The following EVI5L variants were observed in gnomAD, a reference collection of about 807,000 sequenced individuals.
EVI5L encodes ecotropic viral integration site 5 like.
A neutral mutation model predicts 106.1 loss-of-function variants in EVI5L; 30 were observed. The observed-to-expected ratio is 0.28, with a 90% confidence interval of 0.21 to 0.38. EVI5L has a LOEUF of 0.38. Ranked by LOEUF, EVI5L falls within the 10% of genes least tolerant of loss-of-function variation. The pLI is 1.00. For synonymous variants in EVI5L, 489 were observed against 483.3 expected, an observed-to-expected ratio of 1.01 and a Z score of -0.15; for missense variants, 809 against 1,098.0, an observed-to-expected ratio of 0.74 and a Z score of 3.72.
chr19:7,831,245 A>ACG (rs754352974), intron 1 of EVI5L, among the ~76,000 whole-genome samples: 9,454 of 144,728 alleles, frequency 0.065, 413 homozygotes, highest in Non-Finnish European at 0.095. Context: ...ACACACACAC[A>ACG]CACACACACA....
rs1306315321 is a variant in EVI5L at position 7,862,592 on chromosome 19, A to G, written c.1947+58A>G. ...GCACCGCCCCCGGACGCGCCCCTAC[A>G]TGAGGCCCCGCCCCCAATCCGCCTC... On this transcript the variant is annotated intron_variant, in intron 17 of 19. Coordinates refer to ENST00000538904, the MANE Select transcript of EVI5L (RefSeq NM_001159944.3). 4.1e-6 allele frequency: 5 copies of G among 1,233,444 alleles called. 1 individual carries two copies. In the African/African-American group the frequency reaches 1.1e-4, roughly 26 times the overall value. 76.4% of individuals were successfully genotyped at this position (1,233,444 alleles called of 1,614,324 possible). A position where few individuals can be genotyped will look rare whatever the true frequency, so the allele number is the denominator to read the frequency against.
chr19:7,834,070 G>A (rs1193605624), intron 1 of EVI5L, among the ~76,000 whole-genome samples: 1 of 152,202 alleles, frequency 6.6e-6, no homozygotes. Context: ...TCTGAGGCCC[G>A]GCACGGTGGC....
chr19:7,844,076 G>GTGT (rs1334873956), intron 1 of EVI5L, among the ~76,000 whole-genome samples: 2 of 152,028 alleles, frequency 1.3e-5, no homozygotes, highest in Non-Finnish European at 2.9e-5. Context: ...GGCTCGGCTG[G>GTGT]GCGCGGTGGC....
At position 7,857,385 on chromosome 19, in the gene EVI5L, T is replaced by A. The variant is rs75640940; in HGVS notation, c.1233+261T>A. ...CCACATGCATGTACAGAAAGCTTCCTCCGGGCGACACAGGGTGGGGACCCA... is the reference window on the plus strand; with the variant it reads ...CCACATGCATGTACAGAAAGCTTCCACCGGGCGACACAGGGTGGGGACCCA... On this transcript the variant is annotated intron_variant, in intron 12 of 19. Transcript: ENST00000538904. This position sits in a 1 kb window ranked among gnomAD's most constrained non-coding sequence, Gnocchi z 4.5. The A allele has an allele frequency of 0.1, 62,360 of 596,678 alleles. 5,082 individuals are homozygous for A. Among genetic ancestry groups the A allele is most frequent in the South Asian group, 0.28 (14,281 of 50,566 alleles). The allele number at this position is 596,678 out of a possible 1,614,324, so 37.0% of individuals were successfully genotyped here. A position where few individuals can be genotyped will look rare whatever the true frequency, so the allele number is the denominator to read the frequency against.
chr19:7,862,458 A>C lies in EVI5L; in HGVS notation c.1871A>C (p.Tyr624Ser). 6.2e-7 allele frequency: 1 copy of C among 1,608,460 alleles called. No homozygotes were observed. The highest frequency in any genetic ancestry group is 8.5e-7 in the Non-Finnish European group (1 of 1,178,092). Residue 624 changes from tyrosine (Y) to serine (S), a missense_variant, in exon 17 of 20, where the codon TAC becomes TCC. By Grantham distance (144) the Tyr-to-Ser change is moderately radical. Coordinates refer to ENST00000538904, the MANE Select transcript of EVI5L (RefSeq NM_001159944.3). ...ERAALQEKLQ[Y>S]LAAQNKGLQT... ...GCGGCGCTGCAGGAGAAGCTGCAGT[A>C]CCTGGCTGCACAGAACAAGGGGCTG...
rs200910113 is a variant in EVI5L at position 7,864,185 on chromosome 19, G to A, written c.*483G>A. 152 of 155,896 alleles carry A rather than the reference G, an allele frequency of 9.8e-4. No homozygotes were observed. The highest frequency in any genetic ancestry group is 3.6e-3 in the African/African-American group (149 of 41,716). 9.7% of individuals were successfully genotyped at this position (155,896 alleles called of 1,614,324 possible). Reference sequence around the variant, plus strand: ...ATCAGCACCCCACAACACTCCTCGGGATGAAGTGACCCTTGACTAGCCCCT... The same window carrying A: ...ATCAGCACCCCACAACACTCCTCGGAATGAAGTGACCCTTGACTAGCCCCT... On this transcript the variant is annotated 3_prime_UTR_variant, in exon 20 of 20. Transcript: ENST00000538904. This position sits in a 1 kb window ranked among gnomAD's most constrained non-coding sequence, Gnocchi z 4.5.
chr19:7,856,849 C>T lies in EVI5L; in HGVS notation c.1201-243C>T, dbSNP rs1270238994. 4 of 683,056 alleles carry T rather than the reference C, an allele frequency of 5.9e-6. No individual in the cohort carries two copies. The highest frequency in any genetic ancestry group is 1.8e-5 in the African/African-American group (1 of 56,848). 42.3% of individuals were successfully genotyped at this position (683,056 alleles called of 1,614,324 possible). ...CCAGCCCTGCGGCCTCCCCCACAGC[C>T]GCGGGCACCCCCGACCTCCCCGCTC... is the stretch of plus-strand genomic sequence containing the variant. On this transcript the variant is annotated intron_variant, in intron 11 of 19. Transcript: ENST00000538904. The surrounding 1 kb of genome is among the most constrained non-coding windows in gnomAD (Gnocchi z 6.6).
chr19:7,834,347 A>C (rs886445923), intron 1 of EVI5L, among the ~76,000 whole-genome samples: 2 of 152,198 alleles, frequency 1.3e-5, no homozygotes, highest in African/African-American at 4.8e-5. Context: ...CAAATTTTAA[A>C]AATTTTTAAA....
rs1173853262 is a variant in EVI5L at position 7,845,359 on chromosome 19, C to T, written c.-47-1137C>T. Among the ~76,000 whole-genome samples, 1 of 152,058 alleles carries T rather than the reference C, an allele frequency of 6.6e-6. No homozygotes were observed. The highest frequency in any genetic ancestry group is 1.5e-5 in the Non-Finnish European group (1 of 67,964). ...CGCTGCCTCCACTCCCATAGCCGTC[C>T]CTTTCCTCTAGGGCCCCCTGCTAGG... On this transcript the variant is annotated intron_variant, in intron 1 of 19. Transcript: ENST00000538904. This position sits in a 1 kb window ranked among gnomAD's most constrained non-coding sequence, Gnocchi z 4.0.
At chr19:7,844,918 C>G (rs562923633) in intron 1 of EVI5L, among the ~76,000 whole-genome samples, 39 of 152,292 alleles carry the variant, frequency 2.6e-4, no homozygotes, top group African/African-American at 9.4e-4. Context: ...CTGGGGTGGC[C>G]AGGGTCAAGT....
chr19:7,855,978 G>A, intron 10 of EVI5L, 37 bp from the exon 11 acceptor site: 1 of 1,321,838 alleles, frequency 7.6e-7, no homozygotes, highest in Non-Finnish European at 9.7e-7. Flanking sequence ...CAGGCGTGGG[G>A]GGCGGGCTAT....
intron 1 of EVI5L, among the ~76,000 whole-genome samples, chr19:7,837,064 C>T (rs1454754861): frequency 1.3e-5 from 2 of 151,426 alleles, no homozygotes; most frequent in Admixed American, 1.3e-4. Flanking sequence ...GTTGTGGTGG[C>T]TCACGCCTGT....
intron 1 of EVI5L, among the ~76,000 whole-genome samples, chr19:7,831,983 T>C (rs1407397898): frequency 1.3e-5 from 2 of 152,234 alleles, no homozygotes; most frequent in East Asian, 1.9e-4. Context: ...AAGGGAAAAA[T>C]GTGCTGAAGA....
intron 8 of EVI5L, 25 bp downstream of exon 8, chr19:7,851,795 T>G (rs1193143175): frequency 6.7e-7 from 1 of 1,483,752 alleles, no homozygotes; most frequent in East Asian, 2.5e-5. Context: ...CCAGGGCCGG[T>G]GGGGCTGCCC....
At chr19:7,849,728 C>A (rs520384) in intron 5 of EVI5L, among the ~76,000 whole-genome samples, 156 of 152,170 alleles carry the variant, frequency 1.0e-3, no homozygotes, top group Non-Finnish European at 1.7e-3. Flanking sequence ...GGTATCCTAA[C>A]CAGGGGGATG....
At chr19:7,833,533 C>G (rs1978304345) in intron 1 of EVI5L, among the ~76,000 whole-genome samples, 1 of 152,212 alleles carries the variant, frequency 6.6e-6, no homozygotes, top group Admixed American at 6.5e-5. Flanking sequence ...TGATGCATCC[C>G]TGGGGTGTTG....
rs926987997 is a variant in EVI5L, at chr19:7,856,850, G to A, written c.1201-242G>A. 2.6e-5 allele frequency: 18 copies of A among 683,140 alleles called. No individual in the cohort carries two copies. Among genetic ancestry groups the A allele is most frequent in the Middle Eastern group, 2.5e-4 (1 of 4,026 alleles). The allele number at this position is 683,140 out of a possible 1,614,324, so 42.3% of individuals were successfully genotyped here. On this transcript the variant is annotated intron_variant, in intron 11 of 19. Transcript: ENST00000538904. This position sits in a 1 kb window ranked among gnomAD's most constrained non-coding sequence, Gnocchi z 6.6. ...CAGCCCTGCGGCCTCCCCCACAGCC[G>A]CGGGCACCCCCGACCTCCCCGCTCA...
chr19:7,857,307 G>A lies in EVI5L; in HGVS notation c.1233+183G>A. 1 of 740,726 alleles carries A rather than the reference G, an allele frequency of 1.4e-6. No homozygotes were observed. Among genetic ancestry groups the A allele is most frequent in the Non-Finnish European group, 2.3e-6 (1 of 437,446 alleles). The allele number at this position is 740,726 out of a possible 1,614,324, so 45.9% of individuals were successfully genotyped here. ...TTCCCGGGGGGGCGGGGCATGTGAA[G>A]TGGGGAGAAGGGTGTGTGTGGAGGG... On this transcript the variant is annotated intron_variant, in intron 12 of 19. Coordinates refer to ENST00000538904, the MANE Select transcript of EVI5L (RefSeq NM_001159944.3). The surrounding 1 kb of genome is among the most constrained non-coding windows in gnomAD (Gnocchi z 4.5).
intron 1 of EVI5L, among the ~76,000 whole-genome samples, chr19:7,832,898 G>C (rs190464989): frequency 6.6e-6 from 1 of 152,202 alleles, no homozygotes; most frequent in Non-Finnish European, 1.5e-5. Flanking sequence ...CTGACACCGG[G>C]TAGGAAGAGG....
Sources: gnomAD v4.1 joint callset for allele counts (sites outside exome capture counted in the v4.1 genomes callset) on GRCh38, gnomAD v4.1.1 for gene constraint, Gnocchi (gnomAD v3.1) non-coding constraint, MANE v1.5 for transcripts, NCBI Gene and HGNC (gene_info 2026-07-23, HGNC 2026-07-21) for gene names.